The following ZNF782 variants were observed in gnomAD, a reference collection of about 807,000 sequenced individuals.
The protein encoded by ZNF782 is zinc finger protein 782.
In ZNF782, 12 loss-of-function variants were observed where a neutral mutation model predicts 13.0. The ratio of observed to expected loss-of-function variants is 0.92; its 90% confidence interval spans 0.59 to 1.50. ZNF782 has a LOEUF of 1.50. Among genes scored for constraint, ZNF782 ranks in the 40% most tolerant of loss-of-function variants. The pLI is 0.00. For missense variants in ZNF782, 770 were observed against 822.9 expected, an observed-to-expected ratio of 0.94 and a Z score of 0.79; for synonymous variants, 284 against 283.0, an observed-to-expected ratio of 1.00 and a Z score of -0.04.
At chr9:96,885,141 C>T in the ZNF782 span, among the ~76,000 whole-genome samples, 1 of 151,348 alleles carries the variant, frequency 6.6e-6, no homozygotes, top group African/African-American at 2.4e-5. Flanking sequence ...AAAAATCCTA[C>T]AGAAACAAGA....
At chr9:96,929,089 C>T in the ZNF782 span, 1 of 1,611,004 alleles carries the variant, frequency 6.2e-7, no homozygotes, top group Non-Finnish European at 8.5e-7. Flanking sequence ...TGCCTCAACT[C>T]CTTGGGAATT....
At chr9:96,931,025 G>C in the ZNF782 span, among the ~76,000 whole-genome samples, 1 of 151,632 alleles carries the variant, frequency 6.6e-6, no homozygotes, top group Admixed American at 6.6e-5. Context: ...CTCCTGAGTA[G>C]CTGCGATTAC....
At chr9:96,905,085 C>G in the ZNF782 span, among the ~76,000 whole-genome samples, 641 of 147,876 alleles carry the variant, frequency 4.3e-3, 11 homozygotes, top group African/African-American at 0.016. Context: ...CAGAGCAACT[C>G]CATCTTGAAT....
chr9:96,847,049 TA>T (rs1851360650), intron 3 of ZNF782, among the ~76,000 whole-genome samples: 1 of 152,012 alleles, frequency 6.6e-6, no homozygotes, highest in Admixed American at 6.6e-5. Flanking sequence ...TTTAAAACTA[TA>T]AAAATACATG....
the ZNF782 span, chr9:96,887,937 A>G: frequency 6.8e-6 from 1 of 147,462 alleles, no homozygotes; most frequent in African/African-American, 2.5e-5. Flanking sequence ...CAAACACCAC[A>G]TGTTCTCACT....
upstream of ZNF782, among the ~76,000 whole-genome samples, chr9:96,858,514 C>T (rs1851670152): frequency 6.6e-6 from 1 of 152,296 alleles, no homozygotes; most frequent in South Asian, 2.1e-4. This position sits in a 1 kb window ranked among gnomAD's most constrained non-coding sequence, Gnocchi z 4.4. Flanking sequence ...CCAGTCTGGC[C>T]TCATGACTGC....
chr9:96,880,727 A>G, the ZNF782 span, among the ~76,000 whole-genome samples: 1 of 152,182 alleles, frequency 6.6e-6, no homozygotes. Context: ...GTTCAGAAGA[A>G]GAATTGGTCT....
the ZNF782 span, among the ~76,000 whole-genome samples, chr9:96,924,894 G>A: frequency 1.3e-5 from 2 of 152,244 alleles, no homozygotes; most frequent in Non-Finnish European, 2.9e-5. Context: ...GCGTCCCGCA[G>A]GGCCCCGCTA....
At chr9:96,916,608 A>G in the ZNF782 span, among the ~76,000 whole-genome samples, 1 of 152,068 alleles carries the variant, frequency 6.6e-6, no homozygotes, top group Non-Finnish European at 1.5e-5. Flanking sequence ...ACTGAGTTAG[A>G]CTTCTTCCTC....
intron 4 of ZNF782, among the ~76,000 whole-genome samples, chr9:96,831,709 T>C (rs1381869833): frequency 7.3e-6 from 1 of 136,782 alleles, no homozygotes; most frequent in Non-Finnish European, 1.5e-5. Context: ...TGAGACTCTG[T>C]CTCAAAAAAA....
chr9:96,929,539 T>C, the ZNF782 span, among the ~76,000 whole-genome samples: 138 of 151,554 alleles, frequency 9.1e-4, no homozygotes, highest in Middle Eastern at 3.4e-3. Context: ...ACAGAGCATG[T>C]AGTGACAGCC....
chr9:96,898,916 A>G, the ZNF782 span, among the ~76,000 whole-genome samples: 1 of 148,230 alleles, frequency 6.7e-6, no homozygotes, highest in Non-Finnish European at 1.5e-5. Flanking sequence ...GTAATATTTA[A>G]GTACATTCTC....
intron 4 of ZNF782, among the ~76,000 whole-genome samples, chr9:96,843,687 T>C (rs934517265): frequency 2.0e-5 from 3 of 152,200 alleles, no homozygotes; most frequent in African/African-American, 7.2e-5. Context: ...CTGGTGTTGA[T>C]AGTGTATTAT....
At chr9:96,869,679 T>C (rs984343019) in intron 1 of ZNF782, among the ~76,000 whole-genome samples, 4 of 152,206 alleles carry the variant, frequency 2.6e-5, no homozygotes, top group Non-Finnish European at 5.9e-5. Flanking sequence ...ACAACTGACA[T>C]GGATGAACAT....
the ZNF782 span, among the ~76,000 whole-genome samples, chr9:96,908,320 T>G: frequency 6.6e-6 from 1 of 151,742 alleles, no homozygotes; most frequent in African/African-American, 2.4e-5. Flanking sequence ...CAAGCTATCC[T>G]CCTGCTTCAG....
Position 96,833,019 on chromosome 9 carries a change from C to T in ZNF782, c.143-5838G>A, listed in dbSNP as rs76954504. The stretch of plus-strand genomic sequence containing the variant: ...CTAGTTTTTTCTCTGTAAAGAATGA[C>T]TCATTTCTATTGTTCTGTCATAAAG... On this transcript the variant is annotated intron_variant, in intron 4 of 5. Transcript: ENST00000481138. Among the ~76,000 whole-genome samples the T allele has an allele frequency of 9.2e-3, 1,402 of 152,086 alleles. 52 individuals carry two copies. In the East Asian group the frequency reaches 0.1, roughly 11 times the overall value.
At chr9:96,897,110 T>A in the ZNF782 span, among the ~76,000 whole-genome samples, 2 of 152,274 alleles carry the variant, frequency 1.3e-5, no homozygotes, top group East Asian at 3.9e-4. Context: ...GTCCTCTGTA[T>A]CCTCTGTGTG....
At chr9:96,860,938 A>C (rs1851695789) in intron 2 of ZNF782, among the ~76,000 whole-genome samples, 1 of 152,192 alleles carries the variant, frequency 6.6e-6, no homozygotes, top group African/African-American at 2.4e-5. Context: ...CAAACATAAA[A>C]TCAAAGTGGA....
chr9:96,846,811 C>A (rs982428377), intron 3 of ZNF782, among the ~76,000 whole-genome samples: 1 of 152,078 alleles, frequency 6.6e-6, no homozygotes, highest in Non-Finnish European at 1.5e-5. Flanking sequence ...AAGAAACAAT[C>A]GACTTAAACA....
Sources: allele counts gnomAD v4.1 joint callset (sites outside exome capture counted in the v4.1 genomes callset), GRCh38; gene constraint gnomAD v4.1.1; non-coding constraint Gnocchi (gnomAD v3.1); transcripts MANE v1.5; gene names NCBI Gene and HGNC (gene_info 2026-07-23, HGNC 2026-07-21).